Variants in ANKS1B observed in about 807,000 individuals in gnomAD.
The protein encoded by ANKS1B is ankyrin repeat and sterile alpha motif domain-containing protein 1B.
In ANKS1B, 36 loss-of-function variants were observed where a neutral mutation model predicts 148.3. The observed-to-expected ratio is 0.24, with a 90% CI of 0.19 to 0.32. The LOEUF (loss-of-function observed/expected upper bound fraction) is 0.32, where lower values mean the gene tolerates loss of function less well. ANKS1B is among the 10% of genes least tolerant of loss of function. The probability of loss-of-function intolerance (pLI) is 1.00; values close to 1 mark genes in which losing one functional copy is unlikely to be tolerated. For missense variants in ANKS1B, 1,157 were observed against 1,542.6 expected (o/e 0.75, Z 4.19); for synonymous variants, 542 against 560.8 (o/e 0.97, Z 0.47).
intron 14 of ANKS1B, among the ~76,000 whole-genome samples, chr12:99,223,121 T>C (rs555289995): frequency 6.6e-6 from 1 of 152,234 alleles, no homozygotes; most frequent in Admixed American, 6.5e-5. Flanking sequence ...GTGGGTGACA[T>C]AGGAAAGGTT....
Position 99,406,030 on chromosome 12 carries a change from T to C in ANKS1B, c.1576-6219A>G, listed in dbSNP as rs1270706139. On this transcript the variant is annotated intron_variant, in intron 11 of 26. Transcript: ENST00000683438. ...GCACCCAGATATATAAAGCAAATATTATTAAGGGTAAAGAGAGACATAAAC... is the reference window on the plus strand; with the variant it reads ...GCACCCAGATATATAAAGCAAATATCATTAAGGGTAAAGAGAGACATAAAC... 2.1e-5 allele frequency among the ~76,000 whole-genome samples: 3 copies of C among 145,764 alleles called. 1 individual carries two copies. Among genetic ancestry groups the C allele is most frequent in the African/African-American group, 5.2e-5 (2 of 38,542 alleles).
intron 8 of ANKS1B, among the ~76,000 whole-genome samples, chr12:99,674,748 T>C (rs1420169203): frequency 6.6e-6 from 1 of 151,724 alleles, no homozygotes; most frequent in Non-Finnish European, 1.5e-5. Context: ...TAGTAGTAAA[T>C]ATAATAGAAG....
chr12:98,888,378 A>C (rs2099744998), intron 17 of ANKS1B, among the ~76,000 whole-genome samples: 1 of 151,830 alleles, frequency 6.6e-6, no homozygotes, highest in Non-Finnish European at 1.5e-5. Flanking sequence ...CACCTGGACT[A>C]CTCTCATAGT....
intron 16 of ANKS1B, among the ~76,000 whole-genome samples, chr12:99,067,088 T>C (rs1035432700): frequency 1.3e-5 from 2 of 152,356 alleles, no homozygotes; most frequent in South Asian, 2.1e-4. Context: ...CAGTCTCCCA[T>C]GGACCATCCC....
At chr12:99,175,966 C>G (rs891144695) in intron 14 of ANKS1B, among the ~76,000 whole-genome samples, 47 of 152,156 alleles carry the variant, frequency 3.1e-4, no homozygotes, top group African/African-American at 1.1e-3. Context: ...CCTGCCTCAC[C>G]CTCCCAAGTA....
At chr12:99,574,573 G>A (rs554533006) in intron 9 of ANKS1B, among the ~76,000 whole-genome samples, 15 of 152,002 alleles carry the variant, frequency 9.9e-5, no homozygotes, top group African/African-American at 2.2e-4. Flanking sequence ...ATGAAAGGAG[G>A]ATAATGCATT....
At chr12:99,371,434 A>C (rs1013902111) in intron 12 of ANKS1B, among the ~76,000 whole-genome samples, 46 of 152,094 alleles carry the variant, frequency 3.0e-4, no homozygotes, top group Non-Finnish European at 5.4e-4. Context: ...AAGAGATAAG[A>C]CATGTGAGAA....
intron 9 of ANKS1B, among the ~76,000 whole-genome samples, chr12:99,609,760 T>A (rs1046222742): frequency 6.6e-6 from 1 of 152,028 alleles, no homozygotes; most frequent in Admixed American, 6.5e-5. Context: ...AGGGAAAGGA[T>A]CCATAACAAA....
chr12:98,955,258 A>G (rs1465341380), intron 17 of ANKS1B, among the ~76,000 whole-genome samples: 1 of 152,244 alleles, frequency 6.6e-6, no homozygotes. Flanking sequence ...CTTTGAGAAC[A>G]TAATTTAAGA....
chr12:99,546,680 C>A (rs892230633), intron 9 of ANKS1B, among the ~76,000 whole-genome samples: 1 of 152,042 alleles, frequency 6.6e-6, no homozygotes, highest in Non-Finnish European at 1.5e-5. Context: ...GAAAACTGAA[C>A]GTTAAGGGTT....
intron 1 of ANKS1B, among the ~76,000 whole-genome samples, chr12:99,890,422 T>C (rs1047999684): frequency 1.3e-5 from 2 of 152,196 alleles, no homozygotes; most frequent in Non-Finnish European, 2.9e-5. Flanking sequence ...CTGCCTGGCA[T>C]GTGCTGTAGA....
At chr12:99,099,068 GC>G (rs1426425430) in intron 15 of ANKS1B, among the ~76,000 whole-genome samples, 3 of 151,958 alleles carry the variant, frequency 2.0e-5, no homozygotes, top group African/African-American at 7.2e-5. Context: ...CTTTAGTCCT[GC>G]CCAACCTCCC....
chr12:99,038,169 G>A (rs969561207), intron 17 of ANKS1B, among the ~76,000 whole-genome samples: 5 of 152,130 alleles, frequency 3.3e-5, no homozygotes, highest in African/African-American at 1.2e-4. Context: ...GAGCTGAAAT[G>A]CTTCTATGTA....
At chr12:99,668,965 AT>A (rs1410680441) in intron 8 of ANKS1B, among the ~76,000 whole-genome samples, 1 of 151,694 alleles carries the variant, frequency 6.6e-6, no homozygotes, top group Non-Finnish European at 1.5e-5. Flanking sequence ...TGTCTTTTTC[AT>A]CTCTAGATGT....
chr12:99,918,888 A>C (rs551237669), intron 1 of ANKS1B, among the ~76,000 whole-genome samples: 11 of 152,292 alleles, frequency 7.2e-5, no homozygotes, highest in African/African-American at 1.4e-4. Flanking sequence ...CACACACACA[A>C]AAAAAGATGT....
At chr12:98,993,294 A>C (rs549738201) in intron 17 of ANKS1B, among the ~76,000 whole-genome samples, 215 of 152,266 alleles carry the variant, frequency 1.4e-3, no homozygotes, top group Non-Finnish European at 2.5e-3. Flanking sequence ...CAGCCTCCTG[A>C]GTAGCTGGTA....
chr12:99,028,736 C>T (rs534426642), intron 17 of ANKS1B, among the ~76,000 whole-genome samples: 4 of 152,224 alleles, frequency 2.6e-5, no homozygotes, highest in South Asian at 4.2e-4. Context: ...AGTATTGCAC[C>T]GATTTTTACC....
At position 99,362,440 on chromosome 12, in the gene ANKS1B, T is replaced by C. The variant is rs137866269; in HGVS notation, c.1756+37191A>G. Among the ~76,000 whole-genome samples, 834 of 152,118 alleles carry C rather than the reference T, an allele frequency of 5.5e-3. 2 individuals are homozygous for C. The highest frequency in any genetic ancestry group is 0.024 in the Middle Eastern group (7 of 294). On this transcript the variant is annotated intron_variant, in intron 12 of 26. Transcript: ENST00000683438. ...CATAAAATACATTGCCCAAACTAAG[T>C]GGCTAAAGGTCAGAAAATATGACTT...
intron 12 of ANKS1B, among the ~76,000 whole-genome samples, chr12:99,364,550 G>A (rs2092665415): frequency 6.6e-6 from 1 of 152,106 alleles, no homozygotes; most frequent in Non-Finnish European, 1.5e-5. Context: ...ACTTAATGCT[G>A]TACATAATTA....
Sources: allele counts gnomAD v4.1 joint callset (sites outside exome capture counted in the v4.1 genomes callset), GRCh38; gene constraint gnomAD v4.1.1; transcripts MANE v1.5; gene names NCBI Gene and HGNC (gene_info 2026-07-23, HGNC 2026-07-21).